Variants in NALF1 observed in about 807,000 individuals in gnomAD.
NALF1 encodes NALCN channel auxiliary factor 1, also known as family with sequence similarity 155 member A.
A neutral mutation model predicts 48.4 loss-of-function variants in NALF1; 3 were observed. That is an observed-to-expected ratio of 0.06 (90% CI 0.03 to 0.16). The LOEUF (loss-of-function observed/expected upper bound fraction) is 0.16. NALF1 is among the 10% of genes least tolerant of loss of function. The probability of loss-of-function intolerance (pLI) is 1.00; values close to 1 mark genes in which losing one functional copy is unlikely to be tolerated. For synonymous variants in NALF1, 262 were observed against 245.7 expected, an observed-to-expected ratio of 1.07 and a Z score of -0.62; for missense variants, 526 against 571.5, an observed-to-expected ratio of 0.92 and a Z score of 0.81.
At chr13:107,818,871 CAA>C (rs774372636) in intron 1 of NALF1, among the ~76,000 whole-genome samples, 12 of 73,816 alleles carry the variant, frequency 1.6e-4, no homozygotes, top group South Asian at 1.0e-3. Context: ...GACTCCGTCT[CAA>C]AAAAAAAAAA....
chr13:107,482,119 C>G (rs1343994035), intron 1 of NALF1, among the ~76,000 whole-genome samples: 1 of 151,958 alleles, frequency 6.6e-6, no homozygotes, highest in Non-Finnish European at 1.5e-5. Flanking sequence ...AGCAGATCAC[C>G]CTCCATAATA....
chr13:107,210,612 G>A lies in NALF1; in HGVS notation c.1059C>T (p.Tyr353=), dbSNP rs747577844. Residue 353 remains tyrosine, a synonymous_variant, in exon 2 of 3, where the codon TAC becomes TAT. Transcript: ENST00000375915. The part of the protein sequence containing the change: ...FILPDNDEVI[Y]GGLSSFICTG... Reference sequence around the variant, plus strand: ...TACAGATGAAACTGGAGAGGCCTCCGTAGATGACTTCATCATTGTCGGGCA... The same window carrying A: ...TACAGATGAAACTGGAGAGGCCTCCATAGATGACTTCATCATTGTCGGGCA... The A allele has an allele frequency of 1.7e-5, 27 of 1,613,220 alleles. No individual in the cohort carries two copies. Among genetic ancestry groups the A allele is most frequent in the South Asian group, 3.3e-5 (3 of 91,044 alleles).
intron 1 of NALF1, among the ~76,000 whole-genome samples, chr13:107,381,776 T>G (rs2138974681): frequency 6.6e-6 from 1 of 152,300 alleles, no homozygotes; most frequent in Non-Finnish European, 1.5e-5. Flanking sequence ...GTAGCTGTTC[T>G]CAATACTGTG....
intron 1 of NALF1, among the ~76,000 whole-genome samples, chr13:107,280,991 A>C (rs1230395820): frequency 1.3e-5 from 2 of 152,226 alleles, no homozygotes; most frequent in Admixed American, 1.3e-4. Flanking sequence ...CTATGAAATA[A>C]ACTATGATGC....
At position 107,815,877 on chromosome 13, in the gene NALF1, A is replaced by G. The variant is rs183445899; in HGVS notation, c.915+49805T>C. The stretch of plus-strand genomic sequence containing the variant: ...TGGAAACATCAAGGAGTCAGTCACA[A>G]AGGACCACACATACTGTATCATCCA... On this transcript the variant is annotated intron_variant, in intron 1 of 2. Transcript: ENST00000375915. Among the ~76,000 whole-genome samples, 444 of 152,298 alleles carry G rather than the reference A, an allele frequency of 2.9e-3. 3 individuals are homozygous for G. The highest frequency in any genetic ancestry group is 0.01 in the African/African-American group (434 of 41,566).
At chr13:107,828,489 C>T (rs1879587623) in intron 1 of NALF1, among the ~76,000 whole-genome samples, 1 of 67,088 alleles carries the variant, frequency 1.5e-5, no homozygotes, top group African/African-American at 4.2e-5. Context: ...GAGCCACTGA[C>T]TTGTTTTTTT....
At chr13:107,538,739 C>G (rs1566384121) in intron 1 of NALF1, among the ~76,000 whole-genome samples, 1 of 152,122 alleles carries the variant, frequency 6.6e-6, no homozygotes, top group Non-Finnish European at 1.5e-5. Context: ...AGAAAAATTG[C>G]TTAATTTCTC....
chr13:107,308,184 T>C (rs1347627520), intron 1 of NALF1, among the ~76,000 whole-genome samples: 1 of 150,640 alleles, frequency 6.6e-6, no homozygotes, highest in Non-Finnish European at 1.5e-5. Context: ...TACTTTTTTG[T>C]ATTTTGTGTC....
At chr13:107,493,502 C>T (rs534767653) in intron 1 of NALF1, among the ~76,000 whole-genome samples, 1 of 151,962 alleles carries the variant, frequency 6.6e-6, no homozygotes, top group Non-Finnish European at 1.5e-5. Flanking sequence ...AAATATTGAC[C>T]GCAGTAAAAT....
At chr13:107,860,786 T>C (rs1880550847) in intron 1 of NALF1, among the ~76,000 whole-genome samples, 1 of 152,224 alleles carries the variant, frequency 6.6e-6, no homozygotes, top group South Asian at 2.1e-4. Flanking sequence ...ATCCATAAAT[T>C]TGTTCTCGTA....
At chr13:107,717,766 A>T (rs988594638) in intron 1 of NALF1, among the ~76,000 whole-genome samples, 10 of 152,200 alleles carry the variant, frequency 6.6e-5, no homozygotes, top group African/African-American at 2.4e-4. Flanking sequence ...TCCCCATCCC[A>T]AATTTCCAAT....
intron 1 of NALF1, among the ~76,000 whole-genome samples, chr13:107,234,039 A>G (rs1028139747): frequency 2.0e-5 from 3 of 152,162 alleles, no homozygotes; most frequent in Admixed American, 6.5e-5. Flanking sequence ...AAAACCTTGG[A>G]TTTTCCAGTA....
At chr13:107,458,669 G>A (rs536981620) in intron 1 of NALF1, among the ~76,000 whole-genome samples, 7 of 152,146 alleles carry the variant, frequency 4.6e-5, no homozygotes, top group Non-Finnish European at 8.8e-5. Flanking sequence ...TCATAAAGAA[G>A]AGCTGCCTTG....
chr13:107,213,216 A>ATT (rs538408078), intron 1 of NALF1, among the ~76,000 whole-genome samples: 995 of 78,072 alleles, frequency 0.013, 14 homozygotes, highest in African/African-American at 0.047. Context: ...TCCTTTGCAG[A>ATT]TTTTTTTTTA....
intron 1 of NALF1, among the ~76,000 whole-genome samples, chr13:107,365,638 C>T (rs1883139709): frequency 6.6e-6 from 1 of 152,182 alleles, no homozygotes; most frequent in Admixed American, 6.5e-5. Flanking sequence ...GAATGGTTGA[C>T]CTCTTGCAGA....
At chr13:107,514,553 G>A (rs1272345025) in intron 1 of NALF1, among the ~76,000 whole-genome samples, 1 of 152,100 alleles carries the variant, frequency 6.6e-6, no homozygotes, top group South Asian at 2.1e-4. Context: ...CAATAAAACT[G>A]AGTACAAAAT....
At position 107,534,018 on chromosome 13, in the gene NALF1, G is replaced by A. The variant is rs970145845; in HGVS notation, c.916-323263C>T. Among the ~76,000 whole-genome samples the A allele has an allele frequency of 3.1e-4, 47 of 152,030 alleles. 1 individual carries two copies. The highest frequency in any genetic ancestry group is 2.9e-5 in the Non-Finnish European group (2 of 68,000). On this transcript the variant is annotated intron_variant, in intron 1 of 2. Transcript: ENST00000375915. ...GGAAAATTACCTGTAAAAGGGAGAG[G>A]GAGACTGAAGAGAGCAGAGAGAAAT...
At chr13:107,209,087 T>C (rs1174845703) in intron 2 of NALF1, among the ~76,000 whole-genome samples, 1 of 152,198 alleles carries the variant, frequency 6.6e-6, no homozygotes, top group East Asian at 1.9e-4. Flanking sequence ...GTTTGGCCAT[T>C]GCACTTTCTA....
chr13:107,554,157 A>C (rs1267053063), intron 1 of NALF1, among the ~76,000 whole-genome samples: 2 of 152,138 alleles, frequency 1.3e-5, no homozygotes, highest in African/African-American at 4.8e-5. Context: ...TGGCAGACGC[A>C]CTCTGAGCTG....
Sources: gnomAD v4.1 joint callset for allele counts (sites outside exome capture counted in the v4.1 genomes callset) on GRCh38, gnomAD v4.1.1 for gene constraint, MANE v1.5 for transcripts, NCBI Gene and HGNC (gene_info 2026-07-23, HGNC 2026-07-21) for gene names.